Variants in NSD2 observed in about 807,000 individuals in gnomAD.
NSD2 encodes histone-lysine N-methyltransferase NSD2.
Under a neutral mutation model 139.0 loss-of-function variants are expected in NSD2, and 12 were observed. The observed-to-expected ratio is 0.09, with a 90% CI of 0.06 to 0.14. The LOEUF (loss-of-function observed/expected upper bound fraction) is 0.14. Among genes scored for constraint, NSD2 ranks in the 10% least tolerant of loss-of-function variants. The pLI is 1.00. For missense variants in NSD2, 1,155 were observed against 1,745.0 expected (o/e 0.66, Z 6.02); for synonymous variants, 669 against 648.7 (o/e 1.03, Z -0.48).
At chr4:1,970,578 A>C (rs1357509301) in intron 18 of NSD2, among the ~76,000 whole-genome samples, 8 of 152,166 alleles carry the variant, frequency 5.3e-5, no homozygotes, top group Admixed American at 3.9e-4. Context: ...CAGTGGGAGG[A>C]GCAGGGAGAA....
In NSD2 at chr4:1,938,377, CTTT is replaced by C. The variant is rs1357281168; in HGVS notation, c.1675-67_1675-65del. On this transcript the variant is annotated intron_variant, in intron 7 of 21. Coordinates refer to ENST00000508803, the MANE Select transcript of NSD2 (RefSeq NM_001042424.3). ...TTCTTTTCCTTTTGTTGTTCTTTTTCTTTTTTTTTCCTTTTTTTCTTTTCTTTT... is the reference window on the plus strand; with the variant it reads ...TTCTTTTCCTTTTGTTGTTCTTTTTCTTTTTTCCTTTTTTTCTTTTCTTTT... The C allele has an allele frequency of 1.3e-5, 13 of 978,410 alleles. No homozygotes were observed. In the East Asian group the frequency reaches 5.0e-4, roughly 38 times the overall value. 60.6% of individuals were successfully genotyped at this position (978,410 alleles called of 1,614,324 possible).
At chr4:1,957,333 G>C (rs1224289147) in intron 15 of NSD2, among the ~76,000 whole-genome samples, 5 of 151,370 alleles carry the variant, frequency 3.3e-5, no homozygotes. Flanking sequence ...GCCCAGGCTG[G>C]AGTGCAATGG....
intron 3 of NSD2, among the ~76,000 whole-genome samples, chr4:1,908,991 CTTG>C (rs1718307039): frequency 6.6e-6 from 1 of 151,864 alleles, no homozygotes. Context: ...TCATCATGGA[CTTG>C]TTAAATGGTA....
intron 1 of NSD2, among the ~76,000 whole-genome samples, chr4:1,875,987 G>A (rs978756302): frequency 6.6e-6 from 1 of 151,650 alleles, no homozygotes; most frequent in South Asian, 2.1e-4. Flanking sequence ...AGGCCGAGGC[G>A]GGTGGATCAT....
chr4:1,871,456 CGCCTGGGCCCTACCG>C lies in NSD2; in HGVS notation c.-115_-101del, dbSNP rs1713750041. On this transcript the variant is annotated 5_prime_UTR_variant, in exon 1 of 22. Transcript: ENST00000508803. Reference sequence around the variant, plus strand: ...CCCGCCGCCGCCGCCGCCCCCTCCCCGCCTGGGCCCTACCGCCGCACGGCCCCGGCCCCCTCCCAG... The same window carrying C: ...CCCGCCGCCGCCGCCGCCCCCTCCCCCCGCACGGCCCCGGCCCCCTCCCAG... 6.7e-6 allele frequency: 1 copy of C among 148,574 alleles called. No individual in the cohort carries two copies. The highest frequency in any genetic ancestry group is 1.8e-4 in the South Asian group (1 of 5,576). 9.2% of individuals were successfully genotyped at this position (148,574 alleles called of 1,614,324 possible).
At chr4:1,909,287 G>A (rs1047153652) in intron 3 of NSD2, among the ~76,000 whole-genome samples, 3 of 151,812 alleles carry the variant, frequency 2.0e-5, no homozygotes, top group African/African-American at 4.8e-5. Context: ...AGCATCAGCC[G>A]TTTCTCAGAG....
At chr4:1,939,350 GAT>G in intron 8 of NSD2, 1 of 369,270 alleles carries the variant, frequency 2.7e-6, no homozygotes, top group East Asian at 4.6e-5. Context: ...TGGATGAAAT[GAT>G]ATGTCTGGGA....
intron 6 of NSD2, among the ~76,000 whole-genome samples, chr4:1,934,187 G>T (rs1722026538): frequency 6.6e-6 from 1 of 151,454 alleles, no homozygotes; most frequent in Admixed American, 6.6e-5. Context: ...CTGGGTTCAA[G>T]CGATTCTTCT....
In NSD2 at chr4:1,976,528, G is replaced by A. The variant is rs1727097121; in HGVS notation, c.3675G>A (p.Thr1225=). Residue 1225 remains threonine (T), a synonymous_variant, in exon 21 of 22, where the codon ACG becomes ACA. Coordinates refer to ENST00000508803, the MANE Select transcript of NSD2 (RefSeq NM_001042424.3). This position sits in a 1 kb window ranked among gnomAD's most constrained non-coding sequence, Gnocchi z 5.3. ...EEKGKKTKKK[T]RRRRAKGEGK... ...AGGGCAAAAAGACCAAGAAGAAAACGAGGCGGCGCAGAGCAAAAGGGGAAG... is the reference window on the plus strand; with the variant it reads ...AGGGCAAAAAGACCAAGAAGAAAACAAGGCGGCGCAGAGCAAAAGGGGAAG... 7 of 1,613,856 alleles carry A rather than the reference G, an allele frequency of 4.3e-6. No homozygotes were observed. The highest frequency in any genetic ancestry group is 5.1e-6 in the Non-Finnish European group (6 of 1,179,968).
chr4:1,918,024 A>G, intron 4 of NSD2, 117 bp from the exon 5 acceptor site: 1 of 1,280,122 alleles, frequency 7.8e-7, no homozygotes, highest in Admixed American at 2.7e-5. Context: ...CAAGTGATCC[A>G]TCTGCCTTGA....
chr4:1,930,748 T>C lies in NSD2; in HGVS notation c.1533T>C (p.Pro511=). The change falls in exon 6 of 22, where the codon CCT becomes CCC. Residue 511 remains proline, a synonymous_variant. Coordinates refer to ENST00000508803, the MANE Select transcript of NSD2 (RefSeq NM_001042424.3). ...ACACCAAGTTTGCCCTGGTGGCCCC[T>C]GTCCAGGCTGAAGAAGACTCTGGTA... ...RYNTKFALVA[P]VQAEEDSGNV... is the part of the protein sequence containing the mutation. The C allele has an allele frequency of 6.2e-7, 1 of 1,613,646 alleles. No homozygotes were observed. The highest frequency in any genetic ancestry group is 8.5e-7 in the Non-Finnish European group (1 of 1,179,836).
chr4:1,929,116 G>A (rs1721315238), intron 5 of NSD2, among the ~76,000 whole-genome samples: 2 of 152,102 alleles, frequency 1.3e-5, no homozygotes, highest in African/African-American at 4.8e-5. Context: ...CTAGAGAGGT[G>A]GTGGGTGGGC....
At chr4:1,949,224 C>T (rs776365029) in intron 9 of NSD2, among the ~76,000 whole-genome samples, 4 of 152,352 alleles carry the variant, frequency 2.6e-5, no homozygotes, top group South Asian at 2.1e-4. Flanking sequence ...ACAGGATGTG[C>T]GCTGTGGCTC....
In NSD2 at chr4:1,900,991, A is replaced by G; in HGVS notation, c.337A>G (p.Asn113Asp). The change falls in exon 2 of 22, where the codon AAC becomes GAC. Residue 113 changes from asparagine to aspartate, a missense_variant. Around this residue, in one of 8 missense-constraint regions of NSD2, gnomAD observed 246 missense variants for 262.8 expected, o/e 0.94. Coordinates refer to ENST00000508803, the MANE Select transcript of NSD2 (RefSeq NM_001042424.3). ...AATGAAAGGGATTGGGACACCCCCT[A>G]ACACTACCCCTATCAAAAATGGCTC... Reference protein sequence around the residue: ...QEMKGIGTPPNTTPIKNGSPE... With the variant: ...QEMKGIGTPPDTTPIKNGSPE... 4 of 1,614,188 alleles carry G rather than the reference A, an allele frequency of 2.5e-6. No individual in the cohort carries two copies. Among genetic ancestry groups the G allele is most frequent in the Non-Finnish European group, 3.4e-6 (4 of 1,180,032 alleles).
intron 18 of NSD2, among the ~76,000 whole-genome samples, chr4:1,963,801 G>A (rs1389214982): frequency 6.6e-6 from 1 of 152,208 alleles, no homozygotes; most frequent in African/African-American, 2.4e-5. Context: ...GTCACTTGAA[G>A]CCAGGAGTTT....
chr4:1,935,322 C>T (rs1448957516), intron 7 of NSD2, 60 bp downstream of exon 7: 10 of 1,326,448 alleles, frequency 7.5e-6, no homozygotes, highest in South Asian at 6.2e-5. Context: ...CTCTTGGTGC[C>T]ACTGTTTCCC....
chr4:1,909,286 C>T lies in NSD2; in HGVS notation c.760+4908C>T, dbSNP rs189964016. Among the ~76,000 whole-genome samples the T allele has an allele frequency of 3.2e-3, 480 of 152,110 alleles. 1 individual carries two copies. The highest frequency in any genetic ancestry group is 0.011 in the African/African-American group (463 of 41,498). On this transcript the variant is annotated intron_variant, in intron 3 of 21. Transcript: ENST00000508803. ...CACCCCCCCCAACCCTAGCATCAGC[C>T]GTTTCTCAGAGAAGGCCTAGGTTCT...
intron 1 of NSD2, among the ~76,000 whole-genome samples, chr4:1,882,809 G>A (rs1714803551): frequency 6.6e-6 from 1 of 152,230 alleles, no homozygotes; most frequent in Non-Finnish European, 1.5e-5. Flanking sequence ...ATGCTAGTTA[G>A]AAATGCACAT....
intron 2 of NSD2, among the ~76,000 whole-genome samples, chr4:1,902,539 A>G (rs990202073): frequency 6.6e-6 from 1 of 151,936 alleles, no homozygotes; most frequent in African/African-American, 2.4e-5. Flanking sequence ...AGATTTTTTG[A>G]AGTGCCCACA....
Sources: allele counts gnomAD v4.1 joint callset (sites outside exome capture counted in the v4.1 genomes callset), GRCh38; gene constraint gnomAD v4.1.1; regional missense constraint gnomAD v4.1.1; non-coding constraint Gnocchi (gnomAD v3.1); transcripts MANE v1.5; gene names NCBI Gene and HGNC (gene_info 2026-07-23, HGNC 2026-07-21).